LRFN5: variants seen among roughly 807,000 people sequenced by gnomAD.
The protein encoded by LRFN5 is leucine-rich repeat and fibronectin type-III domain-containing protein 5.
A neutral mutation model predicts 45.6 loss-of-function variants in LRFN5; 24 were observed. The ratio of observed to expected loss-of-function variants is 0.53; its 90% CI spans 0.38 to 0.74. The LOEUF (loss-of-function observed/expected upper bound fraction) is 0.74. Ranked by LOEUF, LRFN5 falls within the 30% of genes least tolerant of loss-of-function variation. The pLI, the probability that LRFN5 is intolerant of heterozygous loss-of-function variation, is 0.00. For missense variants in LRFN5, 776 were observed against 861.5 expected, an observed-to-expected ratio of 0.90 and a Z score of 1.24; for synonymous variants, 340 against 313.8, an observed-to-expected ratio of 1.08 and a Z score of -0.88.
chr14:41,636,697 A>C (rs1465962237), intron 1 of LRFN5, among the ~76,000 whole-genome samples: 1 of 152,154 alleles, frequency 6.6e-6, no homozygotes, highest in African/African-American at 2.4e-5. Context: ...CTGGTTACCA[A>C]CTTGCCTGAT....
At chr14:41,793,268 C>T (rs771743301) in intron 2 of LRFN5, among the ~76,000 whole-genome samples, 19 of 152,136 alleles carry the variant, frequency 1.2e-4, no homozygotes, top group South Asian at 4.2e-4. Flanking sequence ...CCCTGACTTC[C>T]CACAACAATT....
At chr14:41,699,315 C>A (rs567002527) in intron 1 of LRFN5, 1 of 152,090 alleles carries the variant, frequency 6.6e-6, no homozygotes, top group East Asian at 1.9e-4. Context: ...ACCTAGTTAT[C>A]GCTAAAAGTA....
At chr14:41,817,915 T>C (rs1476638586) in intron 2 of LRFN5, among the ~76,000 whole-genome samples, 2 of 152,006 alleles carry the variant, frequency 1.3e-5, no homozygotes, top group Non-Finnish European at 2.9e-5. Context: ...TTTGTGGGCT[T>C]GGTTTCTGCT....
At chr14:41,767,752 T>G (rs2138884170) in intron 2 of LRFN5, among the ~76,000 whole-genome samples, 1 of 152,360 alleles carries the variant, frequency 6.6e-6, no homozygotes, top group South Asian at 2.1e-4. Flanking sequence ...ATGGGCTTTC[T>G]AACTTCTAGG....
chr14:41,726,038 C>G (rs1883917445), intron 1 of LRFN5, among the ~76,000 whole-genome samples: 1 of 152,096 alleles, frequency 6.6e-6, no homozygotes, highest in African/African-American at 2.4e-5. Flanking sequence ...CGATTGCTCT[C>G]AGAAACCTAA....
In LRFN5 at chr14:41,843,641, C is replaced by T. The variant is rs186049114; in HGVS notation, c.-20-42965C>T. Reference sequence around the variant, plus strand: ...TTCCTTTTTTTACCATAGGGATATACTGTTGCTCCAGCACCATTTACCAAA... The same window carrying T: ...TTCCTTTTTTTACCATAGGGATATATTGTTGCTCCAGCACCATTTACCAAA... On this transcript the variant is annotated intron_variant, in intron 2 of 5. Coordinates refer to ENST00000298119, the MANE Select transcript of LRFN5 (RefSeq NM_152447.5). Among the ~76,000 whole-genome samples the T allele has an allele frequency of 4.3e-3, 648 of 152,150 alleles. 6 individuals are homozygous for T. Among genetic ancestry groups the T allele is most frequent in the Admixed American group, 0.016 (246 of 15,268 alleles).
intron 1 of LRFN5, among the ~76,000 whole-genome samples, chr14:41,615,059 G>A (rs774976390): frequency 2.0e-5 from 3 of 152,134 alleles, no homozygotes; most frequent in Non-Finnish European, 4.4e-5. Context: ...CTTAACCACA[G>A]ATGTTCAAAT....
chr14:41,875,420 T>G (rs1890153842), intron 2 of LRFN5, among the ~76,000 whole-genome samples: 1 of 152,192 alleles, frequency 6.6e-6, no homozygotes, highest in South Asian at 2.1e-4. Context: ...AAAGAACACA[T>G]TTACCTTCAC....
chr14:41,777,274 T>C (rs920708641), intron 2 of LRFN5, among the ~76,000 whole-genome samples: 4 of 151,710 alleles, frequency 2.6e-5, no homozygotes, highest in African/African-American at 9.7e-5. Flanking sequence ...TAATTTTTAT[T>C]TTAGATGAGT....
chr14:41,723,947 T>C (rs963802267), intron 1 of LRFN5, among the ~76,000 whole-genome samples: 1 of 152,194 alleles, frequency 6.6e-6, no homozygotes, highest in African/African-American at 2.4e-5. Context: ...CTGACACTTT[T>C]CATGGTATCT....
chr14:41,858,979 G>A (rs777889899), intron 2 of LRFN5, among the ~76,000 whole-genome samples: 4 of 152,164 alleles, frequency 2.6e-5, no homozygotes, highest in Non-Finnish European at 5.9e-5. Context: ...TATGTGAATT[G>A]AGAGAAAGAT....
chr14:41,636,307 C>T (rs1204253580), intron 1 of LRFN5, among the ~76,000 whole-genome samples: 1 of 152,128 alleles, frequency 6.6e-6, no homozygotes, highest in Non-Finnish European at 1.5e-5. Context: ...CTTCAGTTTA[C>T]TTCCATTAGA....
chr14:41,658,568 A>G (rs1383536620), intron 1 of LRFN5, among the ~76,000 whole-genome samples: 1 of 151,892 alleles, frequency 6.6e-6, no homozygotes, highest in African/African-American at 2.4e-5. Context: ...CTCATATGTA[A>G]ATAAGAAAAA....
chr14:41,823,570 A>C (rs1005229025), intron 2 of LRFN5, among the ~76,000 whole-genome samples: 1 of 152,112 alleles, frequency 6.6e-6, no homozygotes, highest in Non-Finnish European at 1.5e-5. Context: ...TTGCTGGTTC[A>C]GGACTTTTTC....
chr14:41,668,195 G>C lies in LRFN5; in HGVS notation c.-197+59633G>C, dbSNP rs111938788. Among the ~76,000 whole-genome samples the C allele has an allele frequency of 4.3e-3, 651 of 152,194 alleles. 9 individuals carry two copies. The highest frequency in any genetic ancestry group is 0.015 in the African/African-American group (622 of 41,542). On this transcript the variant is annotated intron_variant, in intron 1 of 5. Transcript: ENST00000298119. Reference sequence around the variant, plus strand: ...AACAATATTACTGCAGTTTGCATCAGTACATCACATCCCATCAAAACTATT... The same window carrying C: ...AACAATATTACTGCAGTTTGCATCACTACATCACATCCCATCAAAACTATT...
At chr14:41,862,920 A>C (rs141273667) in intron 2 of LRFN5, among the ~76,000 whole-genome samples, 1,484 of 136,712 alleles carry the variant, frequency 0.011, 22 homozygotes, top group African/African-American at 0.039. Context: ...GCTGGAGTGC[A>C]GTGGCGCAAT....
intron 2 of LRFN5, among the ~76,000 whole-genome samples, chr14:41,861,170 T>C (rs1310041719): frequency 2.6e-5 from 4 of 152,218 alleles, no homozygotes; most frequent in African/African-American, 9.6e-5. Context: ...TGAGGAGATA[T>C]TTTGAGACTG....
chr14:41,630,202 T>A (rs540395886), intron 1 of LRFN5, among the ~76,000 whole-genome samples: 1 of 152,092 alleles, frequency 6.6e-6, no homozygotes, highest in Non-Finnish European at 1.5e-5. Flanking sequence ...AAAAAACTTT[T>A]ATCAATAAAG....
In LRFN5 at chr14:41,753,578, G is replaced by T. The variant is rs979031441; in HGVS notation, c.-196-13276G>T. On this transcript the variant is annotated intron_variant, in intron 1 of 5. Coordinates refer to ENST00000298119, the MANE Select transcript of LRFN5 (RefSeq NM_152447.5). The stretch of plus-strand genomic sequence containing the variant: ...TTTGGCTCTCTGTTTGTCTGTTATT[G>T]GTGTATAAGAATGCTTGTGATTTTT... Among the ~76,000 whole-genome samples, 37 of 152,146 alleles carry T rather than the reference G, an allele frequency of 2.4e-4. 1 individual carries two copies. Among genetic ancestry groups the T allele is most frequent in the Admixed American group, 9.2e-4 (14 of 15,260 alleles).
Sources: allele counts gnomAD v4.1 joint callset (sites outside exome capture counted in the v4.1 genomes callset), GRCh38; gene constraint gnomAD v4.1.1; transcripts MANE v1.5; gene names NCBI Gene and HGNC (gene_info 2026-07-23, HGNC 2026-07-21).